CXXC5: variants seen among roughly 807,000 people sequenced by gnomAD.
CXXC5 encodes the protein CXXC finger protein 5.
A neutral mutation model predicts 17.6 loss-of-function variants in CXXC5; 2 were observed. That is an observed-to-expected ratio of 0.11 (90% CI 0.05 to 0.36). CXXC5 has a LOEUF of 0.36. Among genes scored for constraint, CXXC5 ranks in the 10% least tolerant of loss-of-function variants. The pLI, the probability that CXXC5 is intolerant of heterozygous loss-of-function variation, is 1.00. For missense variants in CXXC5, 343 were observed against 458.3 expected (o/e 0.75, Z 2.30); for synonymous variants, 171 against 193.0 (o/e 0.89, Z 0.94).
intron 1 of CXXC5, among the ~76,000 whole-genome samples, chr5:139,655,668 C>T (rs1755451264): frequency 6.6e-6 from 1 of 152,032 alleles, no homozygotes; most frequent in African/African-American, 2.4e-5. Context: ...TTTTGTTGGC[C>T]TCCTCCTTCC....
At chr5:139,650,653 G>A (rs1400793327) in intron 1 of CXXC5, among the ~76,000 whole-genome samples, 2 of 152,306 alleles carry the variant, frequency 1.3e-5, no homozygotes, top group East Asian at 3.9e-4. Context: ...TTGCAGTTGG[G>A]AGTATTTAAA....
At chr5:139,664,691 G>T (rs935403581) in intron 1 of CXXC5, among the ~76,000 whole-genome samples, 2 of 152,156 alleles carry the variant, frequency 1.3e-5, no homozygotes, top group Non-Finnish European at 2.9e-5. Flanking sequence ...GGAGCTTTGT[G>T]ACTGGTGTTC....
intron 1 of CXXC5, among the ~76,000 whole-genome samples, chr5:139,677,015 G>GC (rs1339890491): frequency 5.5e-5 from 8 of 146,088 alleles, no homozygotes; most frequent in African/African-American, 1.5e-4. Context: ...CCGCCCGTCA[G>GC]CCCCTGGTCC....
intron 1 of CXXC5, among the ~76,000 whole-genome samples, chr5:139,678,018 G>A (rs1215201647): frequency 6.6e-6 from 1 of 152,254 alleles, no homozygotes; most frequent in Non-Finnish European, 1.5e-5. Context: ...GCAGAGGCGG[G>A]GGACGCACAC....
At chr5:139,682,530 C>A (rs781548340) in intron 2 of CXXC5, among the ~76,000 whole-genome samples, 4 of 152,216 alleles carry the variant, frequency 2.6e-5, no homozygotes, top group Non-Finnish European at 5.9e-5. Flanking sequence ...TATGCACACC[C>A]GTCGCACGTG....
rs886626119 is a variant in CXXC5 at position 139,669,927 on chromosome 5, G to A, written c.-160-10437G>A. On this transcript the variant is annotated intron_variant, in intron 1 of 2. Coordinates refer to ENST00000302517, the MANE Select transcript of CXXC5 (RefSeq NM_016463.9). ...CATCCACCCTACTGGGAGGTGCTCC[G>A]AGGTCTTCTGGCTCCCGCCTCATGG... 3.9e-5 allele frequency among the ~76,000 whole-genome samples: 6 copies of A among 152,280 alleles called. No individual in the cohort carries two copies. In the South Asian group the frequency reaches 1.0e-3, roughly 26 times the overall value.
Position 139,663,069 on chromosome 5 carries a change from T to TCTCAC in CXXC5, c.-161+14228_-161+14229insCCTCA, listed in dbSNP as rs1400613538. Among the ~76,000 whole-genome samples the TCTCAC allele has an allele frequency of 1.3e-5, 2 of 152,048 alleles. No homozygotes were observed. The highest frequency in any genetic ancestry group is 1.3e-4 in the Admixed American group (2 of 15,282). On this transcript the variant is annotated intron_variant, in intron 1 of 2. Coordinates refer to ENST00000302517, the MANE Select transcript of CXXC5 (RefSeq NM_016463.9). The surrounding 1 kb of genome is among the most constrained non-coding windows in gnomAD (Gnocchi z 4.2). ...TGGATTTAGCCTTCTCTAGGGCTGT[T>TCTCAC]CTCAGATGGGGATGCTGAGGTACCT... is the stretch of plus-strand genomic sequence containing the variant.
At chr5:139,652,424 C>T (rs1413348664) in intron 1 of CXXC5, among the ~76,000 whole-genome samples, 3 of 152,054 alleles carry the variant, frequency 2.0e-5, no homozygotes, top group Non-Finnish European at 2.9e-5. Context: ...AAGGACTGCC[C>T]CCTAAAGACC....
intron 1 of CXXC5, among the ~76,000 whole-genome samples, chr5:139,655,186 C>T (rs1581567817): frequency 6.6e-6 from 1 of 152,282 alleles, no homozygotes; most frequent in Non-Finnish European, 1.5e-5. Context: ...ATCCCCGAGG[C>T]CCATCCCACC....
At chr5:139,660,249 A>G (rs912681313) in intron 1 of CXXC5, among the ~76,000 whole-genome samples, 6 of 152,202 alleles carry the variant, frequency 3.9e-5, no homozygotes, top group African/African-American at 1.2e-4. Context: ...TGCAGGCTCA[A>G]AGAGGCTCTG....
intron 1 of CXXC5, among the ~76,000 whole-genome samples, chr5:139,657,548 A>G (rs1158350388): frequency 6.6e-6 from 1 of 152,198 alleles, no homozygotes; most frequent in East Asian, 1.9e-4. Flanking sequence ...GCTGGTGAAC[A>G]GGCTGGCAGG....
At chr5:139,657,467 G>A (rs1280572265) in intron 1 of CXXC5, among the ~76,000 whole-genome samples, 1 of 152,254 alleles carries the variant, frequency 6.6e-6, no homozygotes, top group East Asian at 1.9e-4. Context: ...GCAGACAAAA[G>A]TGAATGAATG....
At chr5:139,653,962 G>A (rs1482436736) in intron 1 of CXXC5, among the ~76,000 whole-genome samples, 1 of 152,154 alleles carries the variant, frequency 6.6e-6, no homozygotes, top group Non-Finnish European at 1.5e-5. Flanking sequence ...AGAACCCTGG[G>A]GACCAACAAG....
intron 1 of CXXC5, among the ~76,000 whole-genome samples, chr5:139,657,415 A>G (rs902292050): frequency 2.0e-5 from 3 of 152,178 alleles, no homozygotes; most frequent in African/African-American, 4.8e-5. Context: ...ACCCTTGGCA[A>G]TGGGCTGGAT....
At chr5:139,652,969 C>T (rs922423826) in intron 1 of CXXC5, among the ~76,000 whole-genome samples, 1 of 152,140 alleles carries the variant, frequency 6.6e-6, no homozygotes, top group African/African-American at 2.4e-5. Context: ...TTCTCTCTGT[C>T]TGTGGTGGCG....
intron 1 of CXXC5, among the ~76,000 whole-genome samples, chr5:139,656,349 C>T (rs1390997145): frequency 1.3e-5 from 2 of 152,244 alleles, no homozygotes; most frequent in Admixed American, 6.5e-5. Flanking sequence ...CAGGTGGGGG[C>T]CTCAGTGGGC....
rs1426513298 is a variant in CXXC5 at position 139,670,169 on chromosome 5, C to T, written c.-160-10195C>T. Among the ~76,000 whole-genome samples the T allele has an allele frequency of 1.3e-5, 2 of 152,218 alleles. No individual in the cohort carries two copies. The highest frequency in any genetic ancestry group is 2.9e-5 in the Non-Finnish European group (2 of 68,028). On this transcript the variant is annotated intron_variant, in intron 1 of 2. Transcript: ENST00000302517. The surrounding 1 kb of genome is among the most constrained non-coding windows in gnomAD (Gnocchi z 4.2). ...TGTTCCGGGGCTGCGGCGACACCTC[C>T]CTCCCTCCTCCTCAGCCTCCCGCCT...
Position 139,671,235 on chromosome 5 carries a change from G to A in CXXC5, c.-160-9129G>A, listed in dbSNP as rs559821803. On this transcript the variant is annotated intron_variant, in intron 1 of 2. Coordinates refer to ENST00000302517, the MANE Select transcript of CXXC5 (RefSeq NM_016463.9). ...GTGTGTCATGATGGGCTTGGTGGCT[G>A]CTGGCAGAGGCAGACTCTGGGGGGT... 3.9e-5 allele frequency among the ~76,000 whole-genome samples: 6 copies of A among 152,338 alleles called. No individual in the cohort carries two copies. The South Asian group carries it at 8.3e-4, about 21-fold the overall frequency.
chr5:139,656,927 G>C (rs1755525696), intron 1 of CXXC5, among the ~76,000 whole-genome samples: 1 of 152,134 alleles, frequency 6.6e-6, no homozygotes, highest in Admixed American at 6.5e-5. Flanking sequence ...GTTTCTCCAT[G>C]TTGGCCAGGC....
Sources: gnomAD v4.1 joint callset for allele counts (sites outside exome capture counted in the v4.1 genomes callset) on GRCh38, gnomAD v4.1.1 for gene constraint, Gnocchi (gnomAD v3.1) non-coding constraint, MANE v1.5 for transcripts, NCBI Gene and HGNC (gene_info 2026-07-23, HGNC 2026-07-21) for gene names.